Variants in ZMYM2 observed in about 807,000 individuals in gnomAD.
The protein encoded by ZMYM2 is zinc finger MYM-type containing 2.
ZMYM2 carries 56 observed loss-of-function variants against 162.8 expected under a neutral mutation model. The ratio of observed to expected loss-of-function variants is 0.34; its 90% CI spans 0.28 to 0.43. The LOEUF is 0.43. Ranked by LOEUF, ZMYM2 falls within the 20% of genes least tolerant of loss-of-function variation. ZMYM2 has a pLI of 1.00. For synonymous variants in ZMYM2, 510 were observed against 541.6 expected, an observed-to-expected ratio of 0.94 and a Z score of 0.81; for missense variants, 1,275 against 1,621.8, an observed-to-expected ratio of 0.79 and a Z score of 3.67.
intron 8 of ZMYM2, 45 bp downstream of exon 8, chr13:20,026,807 A>G: frequency 1.3e-6 from 2 of 1,538,584 alleles, no homozygotes; most frequent in South Asian, 2.6e-5. Context: ...TTACAACGTA[A>G]TTAATTTTTG....
At chr13:19,962,513 ATATTT>A (rs1955340293) in intron 2 of ZMYM2, among the ~76,000 whole-genome samples, 1 of 59,096 alleles carries the variant, frequency 1.7e-5, no homozygotes, top group African/African-American at 5.8e-5. Flanking sequence ...ATATATATAT[ATATTT>A]TTTTTTTTTT....
chr13:20,063,901 TTATATATAATATATATTTTA>T (rs1956462651), intron 18 of ZMYM2, among the ~76,000 whole-genome samples: 1 of 145,478 alleles, frequency 6.9e-6, no homozygotes, highest in African/African-American at 2.5e-5. Context: ...AAATATAATT[TTATATATAATATATATTTTA>T]TATATATTAT....
intron 2 of ZMYM2, among the ~76,000 whole-genome samples, chr13:19,981,176 G>T (rs1957284865): frequency 6.6e-6 from 1 of 152,138 alleles, no homozygotes; most frequent in Non-Finnish European, 1.5e-5. Flanking sequence ...GGAGGCTGAG[G>T]TGGGAGAATC....
chr13:19,927,449 A>G, the ZMYM2 span, among the ~76,000 whole-genome samples: 1 of 152,150 alleles, frequency 6.6e-6, no homozygotes, highest in African/African-American at 2.4e-5. Context: ...GTCTTCTGAG[A>G]CTTCCTATTT....
intron 2 of ZMYM2, among the ~76,000 whole-genome samples, chr13:19,971,880 A>C (rs1024742834): frequency 1.3e-5 from 2 of 152,104 alleles, no homozygotes; most frequent in Non-Finnish European, 2.9e-5. Flanking sequence ...TAAAAAAAAA[A>C]CTAGATGTAG....
chr13:19,949,599 A>T, the ZMYM2 span, among the ~76,000 whole-genome samples: 1 of 151,890 alleles, frequency 6.6e-6, no homozygotes, highest in South Asian at 2.1e-4. Flanking sequence ...TGAAAGAAAG[A>T]AAAAATAGGC....
the ZMYM2 span, among the ~76,000 whole-genome samples, chr13:19,905,554 G>A: frequency 3.9e-5 from 6 of 152,184 alleles, no homozygotes; most frequent in African/African-American, 9.6e-5. Flanking sequence ...GCCAGATACC[G>A]GAGCAGGAGA....
At chr13:19,879,675 CA>C in the ZMYM2 span, among the ~76,000 whole-genome samples, 10 of 152,170 alleles carry the variant, frequency 6.6e-5, no homozygotes, top group Non-Finnish European at 1.3e-4. Context: ...TCTATTTCTA[CA>C]AAAGACGTAA....
chr13:20,034,917 T>C (rs930228408), intron 11 of ZMYM2, among the ~76,000 whole-genome samples: 3 of 152,240 alleles, frequency 2.0e-5, no homozygotes, highest in African/African-American at 7.2e-5. Flanking sequence ...TCTACACTTT[T>C]GCTGCTCTGG....
chr13:19,976,196 C>A (rs7999835), intron 2 of ZMYM2, among the ~76,000 whole-genome samples: 126,556 of 151,714 alleles, frequency 0.83, 53,964 homozygotes, highest in Non-Finnish European at 0.92. Flanking sequence ...GGTGTGCTGG[C>A]GCGTGCCTGT....
chr13:20,051,618 A>G lies in ZMYM2; in HGVS notation c.2458+20A>G. The G allele has an allele frequency of 6.2e-7, 1 of 1,600,044 alleles. No homozygotes were observed. The highest frequency in any genetic ancestry group is 2.2e-5 in the East Asian group (1 of 44,588). On this transcript the variant is annotated intron_variant, in intron 13 of 24. Coordinates refer to ENST00000610343, the MANE Select transcript of ZMYM2 (RefSeq NM_197968.4). ...ATTATGGTATGTAATGATTTAGGTG[A>G]TAACTTGAAAACCCTGTACATCAGT...
At chr13:19,895,296 G>T in the ZMYM2 span, among the ~76,000 whole-genome samples, 1 of 151,808 alleles carries the variant, frequency 6.6e-6, no homozygotes. Flanking sequence ...ATATCATCCA[G>T]TAATTCCAGT....
chr13:19,890,522 A>AAAAAAAAAAAAAAG, the ZMYM2 span, among the ~76,000 whole-genome samples: 2 of 148,228 alleles, frequency 1.3e-5, no homozygotes, highest in African/African-American at 5.1e-5. Context: ...AAAAAAAAAA[A>AAAAAAAAAAAAAAG]GTTGGGAAAA....
chr13:19,974,462 C>T (rs1279060331), intron 2 of ZMYM2, among the ~76,000 whole-genome samples: 104 of 151,314 alleles, frequency 6.9e-4, no homozygotes, highest in Non-Finnish European at 1.5e-5. Flanking sequence ...TTGATTTTAC[C>T]ATGAATATCC....
intron 3 of ZMYM2, among the ~76,000 whole-genome samples, chr13:19,997,282 G>A (rs1396576939): frequency 6.6e-6 from 1 of 152,120 alleles, no homozygotes. Context: ...TTTTGCTGTT[G>A]TAGGTCTATG....
At chr13:20,052,653 T>C (rs1166067289) in intron 14 of ZMYM2, among the ~76,000 whole-genome samples, 11 of 152,202 alleles carry the variant, frequency 7.2e-5, no homozygotes, top group Non-Finnish European at 1.2e-4. Context: ...ATTAAGACAA[T>C]GGCAATAGTA....
intron 7 of ZMYM2, among the ~76,000 whole-genome samples, chr13:20,020,457 T>G (rs994724471): frequency 2.0e-5 from 3 of 152,106 alleles, no homozygotes; most frequent in African/African-American, 7.2e-5. Flanking sequence ...GCTCCTGACC[T>G]CAGGTGATCC....
At chr13:19,917,150 G>A in the ZMYM2 span, among the ~76,000 whole-genome samples, 1 of 152,006 alleles carries the variant, frequency 6.6e-6, no homozygotes, top group Non-Finnish European at 1.5e-5. Context: ...TTTTAGTAGA[G>A]ACAGGGTTTC....
chr13:19,919,814 A>G, the ZMYM2 span, among the ~76,000 whole-genome samples: 1 of 151,800 alleles, frequency 6.6e-6, no homozygotes, highest in Non-Finnish European at 1.5e-5. Context: ...AGTAGCTGGG[A>G]TTACAGGCAT....
Sources: gnomAD v4.1 joint callset for allele counts (sites outside exome capture counted in the v4.1 genomes callset) on GRCh38, gnomAD v4.1.1 for gene constraint, MANE v1.5 for transcripts, NCBI Gene and HGNC (gene_info 2026-07-23, HGNC 2026-07-21) for gene names.